Variants in RBMS3 observed in about 807,000 individuals in gnomAD.
The protein encoded by RBMS3 is RNA binding motif single stranded interacting protein 3.
In RBMS3, 27 loss-of-function variants were observed where a neutral mutation model predicts 66.8. The observed-to-expected ratio is 0.40, with a 90% CI of 0.30 to 0.56. The LOEUF (loss-of-function observed/expected upper bound fraction) is 0.56. Among genes scored for constraint, RBMS3 ranks in the 20% least tolerant of loss-of-function variants. RBMS3 has a pLI of 0.40. For missense variants in RBMS3, 513 were observed against 549.5 expected (o/e 0.93, Z 0.66); for synonymous variants, 188 against 183.0 (o/e 1.03, Z -0.22).
intron 1 of RBMS3, among the ~76,000 whole-genome samples, chr3:29,323,691 TACACAC>T (rs10565045): frequency 0.061 from 8,767 of 144,298 alleles, 292 homozygotes; most frequent in African/African-American, 0.097. Flanking sequence ...CACACACACA[TACACAC>T]ACACACACAC....
chr3:29,768,732 T>A (rs191022159), intron 6 of RBMS3, among the ~76,000 whole-genome samples: 131 of 152,044 alleles, frequency 8.6e-4, no homozygotes, highest in African/African-American at 2.8e-3. Flanking sequence ...TAACATTGGG[T>A]CTCTCATCCT....
At chr3:29,961,872 A>G (rs1319374972) in intron 12 of RBMS3, among the ~76,000 whole-genome samples, 1 of 151,482 alleles carries the variant, frequency 6.6e-6, no homozygotes, top group African/African-American at 2.4e-5. Flanking sequence ...AAATCTAATC[A>G]GGAGGGAGTT....
At chr3:29,689,323 A>C (rs2149270819) in intron 4 of RBMS3, among the ~76,000 whole-genome samples, 1 of 152,222 alleles carries the variant, frequency 6.6e-6, no homozygotes, top group East Asian at 1.9e-4. Flanking sequence ...TGTGCTCCCC[A>C]TACCCATAAA....
At chr3:29,631,298 G>A (rs950729245) in intron 4 of RBMS3, among the ~76,000 whole-genome samples, 4 of 151,696 alleles carry the variant, frequency 2.6e-5, no homozygotes, top group Non-Finnish European at 5.9e-5. Flanking sequence ...ACCTTGCCAA[G>A]TTATATTTGT....
chr3:29,941,239 A>AT (rs1202815553), intron 11 of RBMS3, among the ~76,000 whole-genome samples: 2 of 151,760 alleles, frequency 1.3e-5, no homozygotes, highest in African/African-American at 4.8e-5. Flanking sequence ...GTTCTCTAGC[A>AT]TTTTTCAGTC....
At chr3:29,616,103 TTTG>T (rs2048662015) in intron 4 of RBMS3, 1 of 152,040 alleles carries the variant, frequency 6.6e-6, no homozygotes, top group Non-Finnish European at 1.5e-5. Context: ...GTACAGAAAA[TTTG>T]AGCCAGTTCT....
intron 6 of RBMS3, among the ~76,000 whole-genome samples, chr3:29,816,000 A>G (rs544397974): frequency 6.6e-6 from 1 of 152,274 alleles, no homozygotes; most frequent in South Asian, 2.1e-4. Flanking sequence ...GTAGTATATT[A>G]GCTGTTACTG....
chr3:29,616,239 C>G (rs1340026651), intron 4 of RBMS3: 1 of 152,304 alleles, frequency 6.6e-6, no homozygotes, highest in Non-Finnish European at 1.5e-5. Context: ...GTAATCCCAG[C>G]ACTTTGGGAG....
At chr3:29,720,748 T>C (rs1576612635) in intron 4 of RBMS3, among the ~76,000 whole-genome samples, 1 of 150,296 alleles carries the variant, frequency 6.7e-6, no homozygotes, top group East Asian at 1.9e-4. Context: ...TCTATGGTAA[T>C]CTTTTAAAAA....
intron 1 of RBMS3, among the ~76,000 whole-genome samples, chr3:29,410,163 C>CTTCA (rs2040202281): frequency 6.6e-6 from 1 of 152,308 alleles, no homozygotes; most frequent in African/African-American, 2.4e-5. Flanking sequence ...AAGAGCAAGA[C>CTTCA]TTCAGTATTA....
intron 1 of RBMS3, among the ~76,000 whole-genome samples, chr3:29,428,103 AC>A (rs1265688042): frequency 6.6e-6 from 1 of 152,064 alleles, no homozygotes; most frequent in Non-Finnish European, 1.5e-5. Context: ...GGTTTTGTTT[AC>A]GGTTTTTTTA....
chr3:29,922,818 A>G (rs1244605081), intron 10 of RBMS3, among the ~76,000 whole-genome samples: 1 of 152,242 alleles, frequency 6.6e-6, no homozygotes, highest in African/African-American at 2.4e-5. Flanking sequence ...CAGAGAATTC[A>G]CATTGATTGT....
At chr3:29,379,351 GA>G (rs1463574364) in intron 1 of RBMS3, among the ~76,000 whole-genome samples, 6 of 151,754 alleles carry the variant, frequency 4.0e-5, no homozygotes, top group South Asian at 2.1e-4. Flanking sequence ...AGAGTAACTA[GA>G]AAAAAAATGG....
intron 6 of RBMS3, among the ~76,000 whole-genome samples, chr3:29,770,873 C>T (rs2056169641): frequency 6.6e-6 from 1 of 151,946 alleles, no homozygotes. Flanking sequence ...AATCTAGAAT[C>T]TCATTTAATA....
chr3:29,875,974 AC>A (rs1392613396), intron 7 of RBMS3, among the ~76,000 whole-genome samples: 2 of 152,010 alleles, frequency 1.3e-5, no homozygotes, highest in Admixed American at 6.6e-5. Flanking sequence ...CAATATTAAG[AC>A]CCCTTTGATG....
chr3:29,603,380 A>T (rs1014010237), intron 4 of RBMS3, among the ~76,000 whole-genome samples: 1 of 152,018 alleles, frequency 6.6e-6, no homozygotes, highest in Non-Finnish European at 1.5e-5. Context: ...AAGTACTGCA[A>T]AATTCATATT....
intron 4 of RBMS3, among the ~76,000 whole-genome samples, chr3:29,637,396 G>C (rs2049516752): frequency 1.3e-5 from 2 of 151,792 alleles, no homozygotes; most frequent in African/African-American, 2.4e-5. Flanking sequence ...GTTAAGGTTG[G>C]TTAAAGGGAA....
At chr3:29,402,116 C>T (rs1372337968) in intron 1 of RBMS3, among the ~76,000 whole-genome samples, 1 of 151,776 alleles carries the variant, frequency 6.6e-6, no homozygotes. Context: ...TTTACATTGA[C>T]GGTGATGAAA....
chr3:29,316,405 G>T (rs924145920), intron 1 of RBMS3, among the ~76,000 whole-genome samples: 7 of 151,678 alleles, frequency 4.6e-5, no homozygotes, highest in African/African-American at 1.7e-4. Context: ...CCCTAGCAAA[G>T]ATAACACTCT....
Sources: allele counts gnomAD v4.1 joint callset (sites outside exome capture counted in the v4.1 genomes callset), GRCh38; gene constraint gnomAD v4.1.1; transcripts MANE v1.5; gene names NCBI Gene and HGNC (gene_info 2026-07-23, HGNC 2026-07-21).